CDH4: variants seen among roughly 807,000 people sequenced by gnomAD.
The protein encoded by CDH4 is cadherin 4.
CDH4 carries 33 observed loss-of-function variants against 86.0 expected under a neutral mutation model. That is an observed-to-expected ratio of 0.38 (90% CI 0.29 to 0.51). The LOEUF is 0.51. Among genes scored for constraint, CDH4 ranks in the 20% least tolerant of loss-of-function variants. The probability of loss-of-function intolerance (pLI) is 0.86; values close to 1 mark genes in which losing one functional copy is unlikely to be tolerated. For synonymous variants in CDH4, 555 were observed against 549.4 expected, an observed-to-expected ratio of 1.01 and a Z score of -0.14; for missense variants, 1,114 against 1,307.4, an observed-to-expected ratio of 0.85 and a Z score of 2.28.
At chr20:61,682,779 G>T (rs1382035111) in intron 2 of CDH4, among the ~76,000 whole-genome samples, 1 of 152,158 alleles carries the variant, frequency 6.6e-6, no homozygotes, top group Non-Finnish European at 1.5e-5. Flanking sequence ...AGTCCAAGGT[G>T]ATTCTAATCT....
At chr20:61,813,736 G>A (rs1980560716) in intron 4 of CDH4, among the ~76,000 whole-genome samples, 1 of 152,112 alleles carries the variant, frequency 6.6e-6, no homozygotes, top group African/African-American at 2.4e-5. Context: ...TTCTCACCTT[G>A]TTCCCTTTCC....
chr20:61,438,444 C>T (rs557100635), intron 2 of CDH4, among the ~76,000 whole-genome samples: 1 of 152,236 alleles, frequency 6.6e-6, no homozygotes, highest in South Asian at 2.1e-4. Context: ...CCTCGTAAAT[C>T]AGTTGGACAC....
Position 61,544,766 on chromosome 20 carries a change from T to C in CDH4, c.170-198797T>C, listed in dbSNP as rs541541663. 6.6e-6 allele frequency among the ~76,000 whole-genome samples: 1 copy of C among 152,084 alleles called. No homozygotes were observed. The highest frequency in any genetic ancestry group is 2.4e-5 in the African/African-American group (1 of 41,420). On this transcript the variant is annotated intron_variant, in intron 2 of 15. Coordinates refer to ENST00000614565, the MANE Select transcript of CDH4 (RefSeq NM_001794.5). The surrounding 1 kb of genome is among the most constrained non-coding windows in gnomAD (Gnocchi z 6.5). ...CACCTGAATGAATTGGCTTGGTCCATGGACTGGAAGCCTGACTCCCCCGAC... is the reference window on the plus strand; with the variant it reads ...CACCTGAATGAATTGGCTTGGTCCACGGACTGGAAGCCTGACTCCCCCGAC...
intron 2 of CDH4, among the ~76,000 whole-genome samples, chr20:61,285,803 G>C (rs2084290078): frequency 6.6e-6 from 1 of 152,246 alleles, no homozygotes; most frequent in African/African-American, 2.4e-5. Context: ...CTCATTAGAA[G>C]ACCTGGCGCA....
rs1488106851 is a variant in CDH4, at chr20:61,501,027, GAATGGCTCTGGTGA to G, written c.170-242530_170-242517del. 6.6e-6 allele frequency among the ~76,000 whole-genome samples: 1 copy of G among 152,226 alleles called. No individual in the cohort carries two copies. The highest frequency in any genetic ancestry group is 1.5e-5 in the Non-Finnish European group (1 of 68,036). ...GTGTCCACAGCAGGCAGGCCCTTGG[GAATGGCTCTGGTGA>G]AATGGGGAGGAGAGAACTTTCTTCT... is the stretch of plus-strand genomic sequence containing the variant. On this transcript the variant is annotated intron_variant, in intron 2 of 15. Transcript: ENST00000614565. This position sits in a 1 kb window ranked among gnomAD's most constrained non-coding sequence, Gnocchi z 4.2.
intron 2 of CDH4, among the ~76,000 whole-genome samples, chr20:61,687,022 C>T (rs2087588828): frequency 6.8e-6 from 1 of 147,450 alleles, no homozygotes; most frequent in Non-Finnish European, 1.5e-5. Flanking sequence ...TCAGCTTGGG[C>T]GGTGCCCTTG....
chr20:61,509,346 C>T (rs756627361), intron 2 of CDH4, among the ~76,000 whole-genome samples: 9 of 151,744 alleles, frequency 5.9e-5, no homozygotes, highest in Middle Eastern at 3.4e-3. Flanking sequence ...AATATTAACA[C>T]GGGAGAAGTG....
At chr20:61,490,514 C>T (rs1600709152) in intron 2 of CDH4, among the ~76,000 whole-genome samples, 1 of 151,996 alleles carries the variant, frequency 6.6e-6, no homozygotes, top group Non-Finnish European at 1.5e-5. Flanking sequence ...GCCTGGCCAA[C>T]GTGGTGAAAC....
intron 2 of CDH4, among the ~76,000 whole-genome samples, chr20:61,673,121 G>A (rs1007783734): frequency 1.3e-5 from 2 of 152,182 alleles, no homozygotes; most frequent in African/African-American, 2.4e-5. Context: ...AGACAAGGAA[G>A]GGCTTTCTGG....
At chr20:61,444,120 CTATATGTGTCTCTG>C (rs1162759897) in intron 2 of CDH4, among the ~76,000 whole-genome samples, 1 of 148,738 alleles carries the variant, frequency 6.7e-6, no homozygotes, top group African/African-American at 2.5e-5. Context: ...GTGTGTATCT[CTATATGTGTCTCTG>C]TATGTCTGTG....
intron 15 of CDH4, among the ~76,000 whole-genome samples, chr20:61,936,282 C>G (rs1367248815): frequency 1.5e-5 from 2 of 132,002 alleles, no homozygotes; most frequent in Non-Finnish European, 3.2e-5. Flanking sequence ...CTCTCCCACA[C>G]CCCCCTGCCC....
At chr20:61,529,007 C>T (rs976197647) in intron 2 of CDH4, among the ~76,000 whole-genome samples, 4 of 152,124 alleles carry the variant, frequency 2.6e-5, no homozygotes, top group Admixed American at 1.3e-4. Flanking sequence ...GTGAAATGTT[C>T]GGTTTTCAGT....
intron 2 of CDH4, among the ~76,000 whole-genome samples, chr20:61,682,120 G>A (rs2145859497): frequency 6.6e-6 from 1 of 152,324 alleles, no homozygotes; most frequent in East Asian, 1.9e-4. Context: ...GTGTGGGAAG[G>A]TGGACCAAGG....
chr20:61,548,190 G>T (rs1054561560), intron 2 of CDH4, among the ~76,000 whole-genome samples: 1 of 152,182 alleles, frequency 6.6e-6, no homozygotes, highest in African/African-American at 2.4e-5. Flanking sequence ...TTCTGTGCAT[G>T]GGTACGTAAG....
intron 3 of CDH4, among the ~76,000 whole-genome samples, chr20:61,765,790 G>A (rs371281981): frequency 3.9e-5 from 6 of 152,198 alleles, no homozygotes; most frequent in Admixed American, 1.3e-4. Context: ...GCCTGTGGGG[G>A]CAAGGGGACT....
At chr20:61,635,144 C>A (rs60239566) in intron 2 of CDH4, among the ~76,000 whole-genome samples, 1 of 152,100 alleles carries the variant, frequency 6.6e-6, no homozygotes, top group Non-Finnish European at 1.5e-5. Context: ...CTGTTCCTTA[C>A]GATGTCTGCT....
Position 61,307,010 on chromosome 20 carries a change from A to G in CDH4, c.169+52073A>G, listed in dbSNP as rs1286259067. Among the ~76,000 whole-genome samples, 3 of 152,204 alleles carry G rather than the reference A, an allele frequency of 2.0e-5. No individual in the cohort carries two copies. The East Asian group carries it at 5.8e-4, about 29-fold the overall frequency. On this transcript the variant is annotated intron_variant, in intron 2 of 15. Coordinates refer to ENST00000614565, the MANE Select transcript of CDH4 (RefSeq NM_001794.5). Reference sequence around the variant, plus strand: ...CAGGTTCTTAACTTTGCCATACAAAAGAATTTGAGAGCCAGTCCATAGTGA... The same window carrying G: ...CAGGTTCTTAACTTTGCCATACAAAGGAATTTGAGAGCCAGTCCATAGTGA...
intron 3 of CDH4, among the ~76,000 whole-genome samples, chr20:61,752,135 C>T (rs1218425487): frequency 6.6e-6 from 1 of 152,118 alleles, no homozygotes; most frequent in Non-Finnish European, 1.5e-5. Context: ...AGTTCGAGAC[C>T]AGCCTGGCTA....
chr20:61,526,523 G>C (rs1339329440), intron 2 of CDH4, among the ~76,000 whole-genome samples: 1 of 150,756 alleles, frequency 6.6e-6, no homozygotes, highest in Non-Finnish European at 1.5e-5. Flanking sequence ...TATACCTTAA[G>C]TTTTAGGGTA....
Sources: allele counts gnomAD v4.1 joint callset (sites outside exome capture counted in the v4.1 genomes callset), GRCh38; gene constraint gnomAD v4.1.1; non-coding constraint Gnocchi (gnomAD v3.1); transcripts MANE v1.5; gene names NCBI Gene and HGNC (gene_info 2026-07-23, HGNC 2026-07-21).